CFHR3: variants seen among roughly 807,000 people sequenced by gnomAD.
CFHR3 encodes complement factor H related 3.
Under a neutral mutation model 36.0 loss-of-function variants are expected in CFHR3, and 22 were observed. That is an observed-to-expected ratio of 0.61 (90% CI 0.44 to 0.87). The LOEUF is 0.87. CFHR3 is among the 40% of genes least tolerant of loss of function. CFHR3 has a pLI of 0.00. For missense variants in CFHR3, 276 were observed against 401.3 expected, an observed-to-expected ratio of 0.69 and a Z score of 2.67; for synonymous variants, 97 against 137.4, an observed-to-expected ratio of 0.71 and a Z score of 2.06.
rs370254358 is a variant in CFHR3, at chr1:196,782,074, A to G, written c.430+2101A>G. ...TTAAATAGGGAATCCTTTCCCCATT[A>G]CTTGTTTTTCTCAGGTTTGTCAAAG... On this transcript the variant is annotated intron_variant, in intron 3 of 5. Coordinates refer to ENST00000367425, the MANE Select transcript of CFHR3 (RefSeq NM_021023.6). Among the ~76,000 whole-genome samples the G allele has an allele frequency of 2.8e-4, 38 of 137,080 alleles. 7 individuals are homozygous for G. The highest frequency in any genetic ancestry group is 1.0e-3 in the African/African-American group (33 of 32,930). The allele number at this position is 137,080 out of a possible 152,430, so 89.9% of individuals were successfully genotyped here. A position where few individuals can be genotyped will look rare whatever the true frequency, so the allele number is the denominator to read the frequency against.
At chr1:196,786,616 C>A (rs201788925) in intron 3 of CFHR3, among the ~76,000 whole-genome samples, 1 of 135,390 alleles carries the variant, frequency 7.4e-6, no homozygotes, top group Non-Finnish European at 1.6e-5. Flanking sequence ...GCCAGGTGAG[C>A]GATATAATCT....
intron 3 of CFHR3, among the ~76,000 whole-genome samples, chr1:196,782,997 G>T (rs886366643): frequency 7.3e-6 from 1 of 136,926 alleles, no homozygotes; most frequent in Non-Finnish European, 1.5e-5. Flanking sequence ...AATTTATTGA[G>T]AGTTTTTAGC....
rs1310778013 is a variant in CFHR3, at chr1:196,775,264, G to C, written c.58+320G>C. Among the ~76,000 whole-genome samples the C allele has an allele frequency of 2.2e-5, 3 of 136,826 alleles. 1 individual carries two copies. The highest frequency in any genetic ancestry group is 4.7e-5 in the Non-Finnish European group (3 of 64,316). 89.8% of individuals were successfully genotyped at this position (136,826 alleles called of 152,430 possible). ...AAACATGTCATTAGACAGATTCTAA[G>C]CTTAAAATGTTCAGAATTTTCCTAT... is the stretch of plus-strand genomic sequence containing the variant. On this transcript the variant is annotated intron_variant, in intron 1 of 5. Coordinates refer to ENST00000367425, the MANE Select transcript of CFHR3 (RefSeq NM_021023.6).
At position 196,790,659 on chromosome 1, in the gene CFHR3, G is replaced by A. The variant is rs1391900084; in HGVS notation, c.796+432G>A. 1.0e-4 allele frequency among the ~76,000 whole-genome samples: 14 copies of A among 135,092 alleles called. 3 individuals are homozygous for A. Among genetic ancestry groups the A allele is most frequent in the African/African-American group, 4.1e-4 (13 of 32,044 alleles). 88.6% of individuals were successfully genotyped at this position (135,092 alleles called of 152,430 possible). ...GAATCATTTGAACCCGGGAGGCAGA[G>A]GTTGCAGTGAGTGGAGATTGCACCA... On this transcript the variant is annotated intron_variant, in intron 5 of 5. Transcript: ENST00000367425.
intron 5 of CFHR3, among the ~76,000 whole-genome samples, 196 bp from the exon 6 acceptor site, chr1:196,793,121 C>T (rs867018243): frequency 1.5e-5 from 2 of 134,746 alleles, no homozygotes; most frequent in Non-Finnish European, 3.1e-5. Context: ...ATGATCTCTG[C>T]TGTGATGTTG....
At chr1:196,789,690 G>C in intron 4 of CFHR3, 1 of 1,475,470 alleles carries the variant, frequency 6.8e-7, no homozygotes. Flanking sequence ...TATGAAATCA[G>C]TTATGGAAAC....
In CFHR3 at chr1:196,789,688, C is replaced by T; in HGVS notation, c.614-357C>T. 3 of 1,472,946 alleles carry T rather than the reference C, an allele frequency of 2.0e-6. 1 individual carries two copies. Among genetic ancestry groups the T allele is most frequent in the Middle Eastern group, 4.0e-4 (2 of 4,986 alleles). 91.2% of individuals were successfully genotyped at this position (1,472,946 alleles called of 1,614,324 possible). A position where few individuals can be genotyped will look rare whatever the true frequency, so the allele number is the denominator to read the frequency against. ...ACGAATGCTACGATGGATATGAAAT[C>T]AGTTATGGAAACACCACAGGTTCCA... On this transcript the variant is annotated intron_variant, in intron 4 of 5. Coordinates refer to ENST00000367425, the MANE Select transcript of CFHR3 (RefSeq NM_021023.6).
rs1244108932 is a variant in CFHR3, at chr1:196,784,077, G to A, written c.430+4104G>A. ...CTTTATGTACCCAGTAGTCATTCAGGAGCAGTTTGTTCAGTTTCCATGTAG... is the reference window on the plus strand; with the variant it reads ...CTTTATGTACCCAGTAGTCATTCAGAAGCAGTTTGTTCAGTTTCCATGTAG... On this transcript the variant is annotated intron_variant, in intron 3 of 5. Coordinates refer to ENST00000367425, the MANE Select transcript of CFHR3 (RefSeq NM_021023.6). Among the ~76,000 whole-genome samples, 3 of 136,380 alleles carry A rather than the reference G, an allele frequency of 2.2e-5. 1 individual carries two copies. The highest frequency in any genetic ancestry group is 5.2e-4 in the South Asian group (2 of 3,840). The allele number at this position is 136,380 out of a possible 152,430, so 89.5% of individuals were successfully genotyped here. A position where few individuals can be genotyped will look rare whatever the true frequency, so the allele number is the denominator to read the frequency against.
chr1:196,775,118 C>G (rs1368394588), intron 1 of CFHR3, among the ~76,000 whole-genome samples, 174 bp downstream of exon 1: 1 of 136,884 alleles, frequency 7.3e-6, no homozygotes, highest in African/African-American at 3.0e-5. Context: ...AAAAAATTAT[C>G]TCATTTTAAC....
chr1:196,791,144 G>A (rs766020358), intron 5 of CFHR3, among the ~76,000 whole-genome samples: 4 of 135,750 alleles, frequency 2.9e-5, no homozygotes, highest in South Asian at 5.1e-4. Context: ...AGAAATTAAC[G>A]AAACTTCAGC....
In CFHR3 at chr1:196,778,901, T is replaced by C. The variant is rs545799141; in HGVS notation, c.59-261T>C. 2.2e-5 allele frequency among the ~76,000 whole-genome samples: 3 copies of C among 136,856 alleles called. 1 individual carries two copies. Among genetic ancestry groups the C allele is most frequent in the South Asian group, 2.5e-4 (1 of 3,946 alleles). 89.8% of individuals were successfully genotyped at this position (136,856 alleles called of 152,430 possible). A position where few individuals can be genotyped will look rare whatever the true frequency, so the allele number is the denominator to read the frequency against. On this transcript the variant is annotated intron_variant, in intron 1 of 5. Transcript: ENST00000367425. ...ATTAGTAGAAGTAGAGAAAGTAGAA[T>C]GAGGTTCTTCTTGTCCTGTTAGCTG...
At position 196,779,820 on chromosome 1, in the gene CFHR3, G is replaced by C; in HGVS notation, c.277G>C (p.Glu93Gln). The change falls in exon 3 of 6, where the codon GAA becomes CAA. Residue 93 changes from glutamate to glutamine, a missense_variant. Glu to Gln is a conservative substitution (Grantham distance 29). Transcript: ENST00000367425. ...CLRKCYFPYL[E>Q]NGYNQNYGRK... ...AGGAAAATGTTATTTTCCTTATTTG[G>C]AAAATGGATATAATCAAAATTATGG... 1.3e-6 allele frequency: 2 copies of C among 1,526,862 alleles called. No individual in the cohort carries two copies. The allele number at this position is 1,526,862 out of a possible 1,614,324, so 94.6% of individuals were successfully genotyped here. A position where few individuals can be genotyped will look rare whatever the true frequency, so the allele number is the denominator to read the frequency against.
Position 196,795,093 on chromosome 1 carries a change from A to G in CFHR3, c.*1580A>G, listed in dbSNP as rs577507281. The G allele has an allele frequency of 2.9e-5, 4 of 136,870 alleles. No individual in the cohort carries two copies. The East Asian group carries it at 7.8e-4, about 27-fold the overall frequency. The allele number at this position is 136,870 out of a possible 1,614,324, so 8.5% of individuals were successfully genotyped here. ...AACATACATCATAAATAAAATTTCA[A>G]AAATAATTGCTGATATGGTTTGGCT... On this transcript the variant is annotated 3_prime_UTR_variant, in exon 6 of 6. Transcript: ENST00000367425.
Position 196,782,729 on chromosome 1 carries a change from T to C in CFHR3, c.430+2756T>C, listed in dbSNP as rs545183078. On this transcript the variant is annotated intron_variant, in intron 3 of 5. Transcript: ENST00000367425. ...CTGAGACAATGGGGTTTTCTAGATATACAATCATGTCACCTGCAAACAAGG... is the reference window on the plus strand; with the variant it reads ...CTGAGACAATGGGGTTTTCTAGATACACAATCATGTCACCTGCAAACAAGG... 2.9e-5 allele frequency among the ~76,000 whole-genome samples: 4 copies of C among 137,276 alleles called. 1 individual carries two copies. Among genetic ancestry groups the C allele is most frequent in the Non-Finnish European group, 6.2e-5 (4 of 64,610 alleles). 90.1% of individuals were successfully genotyped at this position (137,276 alleles called of 152,430 possible). A position where few individuals can be genotyped will look rare whatever the true frequency, so the allele number is the denominator to read the frequency against.
rs1276732719 is a variant in CFHR3, at chr1:196,778,001, AAG to A, written c.59-1159_59-1158del. On this transcript the variant is annotated intron_variant, in intron 1 of 5. Transcript: ENST00000367425. ...GACTGTTAAAAAAAAAAAAAAAAAA[AAG>A]AAAAGAAAGAAAAATTAAAATGATT... is the stretch of plus-strand genomic sequence containing the variant. 3.1e-5 allele frequency among the ~76,000 whole-genome samples: 4 copies of A among 130,854 alleles called. 1 individual carries two copies. The highest frequency in any genetic ancestry group is 4.8e-5 in the Non-Finnish European group (3 of 63,018). 85.8% of individuals were successfully genotyped at this position (130,854 alleles called of 152,430 possible).
At chr1:196,787,235 C>T (rs1210090530) in intron 3 of CFHR3, among the ~76,000 whole-genome samples, 2 of 136,992 alleles carry the variant, frequency 1.5e-5, no homozygotes, top group Admixed American at 1.4e-4. Flanking sequence ...CCATAAGCAC[C>T]AACTCTATCA....
In CFHR3 at chr1:196,775,047, T is replaced by C. The variant is rs112426509; in HGVS notation, c.58+103T>C. 2.6e-5 allele frequency: 26 copies of C among 1,007,178 alleles called. 6 individuals are homozygous for C. The African/African-American group carries it at 3.8e-4, about 15-fold the overall frequency. The allele number at this position is 1,007,178 out of a possible 1,614,324, so 62.4% of individuals were successfully genotyped here. On this transcript the variant is annotated intron_variant, in intron 1 of 5. Coordinates refer to ENST00000367425, the MANE Select transcript of CFHR3 (RefSeq NM_021023.6). ...AATTATTTTATGAATCAAAGAGGAT[T>C]TATTCACTATGCTAGTAGAAGTGAC...
chr1:196,788,533 T>A (rs1197628041), intron 4 of CFHR3, 135 bp downstream of exon 4: 2 of 1,309,270 alleles, frequency 1.5e-6, no homozygotes, highest in Admixed American at 4.5e-5. Flanking sequence ...CCATTCAACA[T>A]TCTGTGCCAA....
intron 1 of CFHR3, 96 bp downstream of exon 1, chr1:196,775,040 A>T: frequency 9.1e-7 from 1 of 1,099,174 alleles, no homozygotes; most frequent in African/African-American, 2.0e-5. Flanking sequence ...TATGAATCAA[A>T]GAGGATTTAT....
Sources: gnomAD v4.1 joint callset for allele counts (sites outside exome capture counted in the v4.1 genomes callset) on GRCh38, gnomAD v4.1.1 for gene constraint, MANE v1.5 for transcripts, NCBI Gene and HGNC (gene_info 2026-07-23, HGNC 2026-07-21) for gene names.